The following SMNDC1 variants were observed in gnomAD, a reference collection of about 807,000 sequenced individuals.
SMNDC1 encodes the protein survival motor neuron domain containing 1.
Under a neutral mutation model 29.2 loss-of-function variants are expected in SMNDC1, and 5 were observed. The observed-to-expected ratio is 0.17, with a 90% confidence interval of 0.09 to 0.36. The LOEUF (loss-of-function observed/expected upper bound fraction) is 0.36. SMNDC1 is among the 10% of genes least tolerant of loss of function. The probability of loss-of-function intolerance (pLI) is 1.00; values close to 1 mark genes in which losing one functional copy is unlikely to be tolerated. For missense variants in SMNDC1, 142 were observed against 268.5 expected (o/e 0.53, Z 3.29); for synonymous variants, 80 against 89.9 (o/e 0.89, Z 0.62).
In SMNDC1 at chr10:110,298,628, G is replaced by GT. The variant is rs748971084; in HGVS notation, c.263+19dup. On this transcript the variant is annotated intron_variant, in intron 3 of 5. Coordinates refer to ENST00000369603, the MANE Select transcript of SMNDC1 (RefSeq NM_005871.4). Reference sequence around the variant, plus strand: ...TTTATTATTTCATGTTATAGTTAGAGTTTTTTTTTCTACACTTACTGTCCA... The same window carrying GT: ...TTTATTATTTCATGTTATAGTTAGAGTTTTTTTTTTCTACACTTACTGTCCA... 1.7e-3 allele frequency: 2,550 copies of GT among 1,518,432 alleles called. No individual in the cohort carries two copies. Among genetic ancestry groups the GT allele is most frequent in the Non-Finnish European group, 1.9e-3 (2,092 of 1,112,930 alleles). 94.1% of individuals were successfully genotyped at this position (1,518,432 alleles called of 1,614,324 possible). A position where few individuals can be genotyped will look rare whatever the true frequency, so the allele number is the denominator to read the frequency against.
Position 110,299,160 on chromosome 10 carries a change from CAT to C in SMNDC1, c.121-372_121-371del, listed in dbSNP as rs529094902. Among the ~76,000 whole-genome samples, 34 of 152,292 alleles carry C rather than the reference CAT, an allele frequency of 2.2e-4. No individual in the cohort carries two copies. The East Asian group carries it at 2.9e-3, about 13-fold the overall frequency. ...ACTGAATTAGATACTCTTATTGTAACATATTTTATGCAACTGTACTGTTTTAT... is the reference window on the plus strand; with the variant it reads ...ACTGAATTAGATACTCTTATTGTAACATTTTATGCAACTGTACTGTTTTAT... On this transcript the variant is annotated intron_variant, in intron 2 of 5. Transcript: ENST00000369603.
intron 2 of SMNDC1, chr10:110,300,481 T>A: frequency 1.3e-6 from 1 of 789,896 alleles, no homozygotes; most frequent in South Asian, 5.8e-5. Flanking sequence ...ATTCTTCACA[T>A]GTGCGTATGG....
Position 110,304,826 on chromosome 10 carries a change from G to C in SMNDC1, c.-79C>G, listed in dbSNP as rs1195728495. On this transcript the variant is annotated 5_prime_UTR_variant, in exon 1 of 6. Coordinates refer to ENST00000369603, the MANE Select transcript of SMNDC1 (RefSeq NM_005871.4). The stretch of plus-strand genomic sequence containing the variant: ...AGTGGTAGTGGCGGTGGCAGCAGCA[G>C]CAGTAGCAGTAGCAGGAAAATCACC... The C allele has an allele frequency of 6.5e-6, 1 of 152,870 alleles. No homozygotes were observed. Among genetic ancestry groups the C allele is most frequent in the Non-Finnish European group, 1.5e-5 (1 of 68,566 alleles). The allele number at this position is 152,870 out of a possible 1,614,324, so 9.5% of individuals were successfully genotyped here.
intron 3 of SMNDC1, 26 bp from the exon 4 acceptor site, chr10:110,297,754 A>G (rs774863937): frequency 6.2e-7 from 1 of 1,605,834 alleles, no homozygotes; most frequent in South Asian, 1.1e-5. Context: ...GGCTGTAAGC[A>G]GGTGAGTAAA....
rs1857509945 is a variant in SMNDC1 at position 110,292,417 on chromosome 10, A to C, written c.*1733T>G. On this transcript the variant is annotated 3_prime_UTR_variant, in exon 6 of 6. Transcript: ENST00000369603. The stretch of plus-strand genomic sequence containing the variant: ...TGCCTACACAAACATCAAGTGAATT[A>C]CTATTCTAATACCACCAAGGTAATC... The C allele has an allele frequency of 6.6e-6, 1 of 152,200 alleles. No homozygotes were observed. Among genetic ancestry groups the C allele is most frequent in the Non-Finnish European group, 1.5e-5 (1 of 68,028 alleles). 9.4% of individuals were successfully genotyped at this position (152,200 alleles called of 1,614,324 possible).
Position 110,297,599 on chromosome 10 carries a change from T to C in SMNDC1, c.393A>G (p.Ala131=). 1 of 1,613,980 alleles carries C rather than the reference T, an allele frequency of 6.2e-7. No homozygotes were observed. The highest frequency in any genetic ancestry group is 8.5e-7 in the Non-Finnish European group (1 of 1,179,904). Residue 131 remains alanine, a synonymous_variant, in exon 4 of 6, where the codon GCA becomes GCG. Transcript: ENST00000369603. ...NLKPVEEGRK[A]KEDSGNKPMS... ...TGGGTTTGTTGCCACTGTCCTCCTT[T>C]GCCTTCCTTCCTTCTTCTACAGGCT...
chr10:110,301,490 G>T (rs4918492), intron 2 of SMNDC1, among the ~76,000 whole-genome samples: 1 of 152,058 alleles, frequency 6.6e-6, no homozygotes, highest in Non-Finnish European at 1.5e-5. Flanking sequence ...AGACTGGTCA[G>T]GAAAAACATT....
chr10:110,303,928 T>C, intron 1 of SMNDC1: 1 of 207,238 alleles, frequency 4.8e-6, no homozygotes, highest in Non-Finnish European at 9.6e-6. Context: ...AGCACTACTC[T>C]GTTGGAAAAG....
chr10:110,297,533 T>C lies in SMNDC1; in HGVS notation c.425+34A>G, dbSNP rs2233936. ...ACTTCAAGTATCCAAATGGGGAAGA[T>C]TGCACCTAAAATGGAAAAGTCAAAG... On this transcript the variant is annotated intron_variant, in intron 4 of 5. Coordinates refer to ENST00000369603, the MANE Select transcript of SMNDC1 (RefSeq NM_005871.4). 3,244 of 1,599,348 alleles carry C rather than the reference T, an allele frequency of 2.0e-3. 103 individuals carry two copies. The Admixed American group carries it at 0.05, about 25-fold the overall frequency.
chr10:110,304,774 CG>C lies in SMNDC1; in HGVS notation c.-28del, dbSNP rs1228751772. On this transcript the variant is annotated 5_prime_UTR_variant, in exon 1 of 6. Coordinates refer to ENST00000369603, the MANE Select transcript of SMNDC1 (RefSeq NM_005871.4). Reference sequence around the variant, plus strand: ...TTGTGTGGGGCTGGGGGCGGGGCGGCGGGAAGGGGTCGGGGCAAATGAGCCC... The same window carrying C: ...TTGTGTGGGGCTGGGGGCGGGGCGGCGGAAGGGGTCGGGGCAAATGAGCCC... 2.6e-5 allele frequency: 3 copies of C among 116,942 alleles called. No homozygotes were observed. Among genetic ancestry groups the C allele is most frequent in the Non-Finnish European group, 3.8e-5 (2 of 53,086 alleles). The allele number at this position is 116,942 out of a possible 1,614,324, so 7.2% of individuals were successfully genotyped here.
At chr10:110,295,917 C>G (rs538834070) in intron 4 of SMNDC1, among the ~76,000 whole-genome samples, 1 of 152,330 alleles carries the variant, frequency 6.6e-6, no homozygotes, top group South Asian at 2.1e-4. Flanking sequence ...GTTGGGATTA[C>G]AGGCTTGAGC....
At chr10:110,298,158 T>C (rs563832540) in intron 3 of SMNDC1, among the ~76,000 whole-genome samples, 133 of 152,140 alleles carry the variant, frequency 8.7e-4, no homozygotes, top group African/African-American at 3.1e-3. Flanking sequence ...CTAACTGATT[T>C]TTGTATTTTT....
At chr10:110,296,837 T>G (rs1857568246) in intron 4 of SMNDC1, among the ~76,000 whole-genome samples, 1 of 152,224 alleles carries the variant, frequency 6.6e-6, no homozygotes, top group South Asian at 2.1e-4. Context: ...TTGTTACTTG[T>G]ACGTGCTCAC....
chr10:110,303,447 C>T (rs762751972), intron 2 of SMNDC1, 21 bp downstream of exon 2: 1 of 1,546,446 alleles, frequency 6.5e-7, no homozygotes, highest in South Asian at 1.3e-5. Flanking sequence ...AGAAAAAGTA[C>T]AATTGTCTAC....
intron 2 of SMNDC1, 82 bp from the exon 3 acceptor site, chr10:110,298,872 G>T: frequency 1.0e-6 from 1 of 955,030 alleles, no homozygotes; most frequent in Non-Finnish European, 1.6e-6. Context: ...CCTTCATACT[G>T]TACGTTAAGT....
At chr10:110,294,640 T>G (rs958806546) in intron 5 of SMNDC1, among the ~76,000 whole-genome samples, 1 of 152,260 alleles carries the variant, frequency 6.6e-6, no homozygotes, top group Non-Finnish European at 1.5e-5. Context: ...GGGCCTGTTA[T>G]GATAGCCAAA....
At position 110,302,051 on chromosome 10, in the gene SMNDC1, C is replaced by T. The variant is rs114840011; in HGVS notation, c.120+1417G>A. On this transcript the variant is annotated intron_variant, in intron 2 of 5. Coordinates refer to ENST00000369603, the MANE Select transcript of SMNDC1 (RefSeq NM_005871.4). Reference sequence around the variant, plus strand: ...ACAAAACATTGGCACCCAGTGTTTTCTTTTCCTAAAAAAGGACTGCTTAAG... The same window carrying T: ...ACAAAACATTGGCACCCAGTGTTTTTTTTTCCTAAAAAAGGACTGCTTAAG... Among the ~76,000 whole-genome samples, 849 of 152,284 alleles carry T rather than the reference C, an allele frequency of 5.6e-3. 11 individuals carry two copies. Among genetic ancestry groups the T allele is most frequent in the African/African-American group, 0.02 (823 of 41,550 alleles).
intron 2 of SMNDC1, among the ~76,000 whole-genome samples, chr10:110,302,300 G>C (rs2134504618): frequency 6.6e-6 from 1 of 152,306 alleles, no homozygotes; most frequent in Admixed American, 6.5e-5. Context: ...GTATTGACTG[G>C]CACCCTGAAG....
rs573778523 is a variant in SMNDC1, at chr10:110,302,382, G to A, written c.120+1086C>T. Among the ~76,000 whole-genome samples, 88 of 152,306 alleles carry A rather than the reference G, an allele frequency of 5.8e-4. 2 individuals are homozygous for A. In the South Asian group the frequency reaches 0.017, roughly 30 times the overall value. On this transcript the variant is annotated intron_variant, in intron 2 of 5. Transcript: ENST00000369603. ...TGAAATTAACCCAGATAGTTTGTGT[G>A]TGTTTAAAAATAACATACTACTGCA...
Sources: allele counts gnomAD v4.1 joint callset (sites outside exome capture counted in the v4.1 genomes callset), GRCh38; gene constraint gnomAD v4.1.1; transcripts MANE v1.5; gene names NCBI Gene and HGNC (gene_info 2026-07-23, HGNC 2026-07-21).